TRPM3: variants seen among roughly 807,000 people sequenced by gnomAD.
TRPM3 encodes long transient receptor potential channel 3.
TRPM3 carries 77 observed loss-of-function variants against 181.2 expected under a neutral mutation model. The ratio of observed to expected loss-of-function variants is 0.42; its 90% confidence interval spans 0.35 to 0.51. The LOEUF (loss-of-function observed/expected upper bound fraction) is 0.51, where lower values mean the gene tolerates loss of function less well. Ranked by LOEUF, TRPM3 falls within the 20% of genes least tolerant of loss-of-function variation. The pLI is 0.01. For missense variants in TRPM3, 1,759 were observed against 2,196.7 expected (o/e 0.80, Z 3.98); for synonymous variants, 745 against 796.4 (o/e 0.94, Z 1.09).
Position 70,552,890 on chromosome 9 carries a change from T to A in TRPM3, c.3528A>T (p.Arg1176=). ...MTMIFQHLCC[R]WRKHESDPDE... is the part of the protein sequence containing the mutation. ...CCGGGTCGCTCTCGTGTTTCCTCCA[T>A]CGGCAGCACAGGTGCTGGAATATCA... The change falls in exon 24 of 26, where the codon CGA becomes CGT. Residue 1176 remains arginine, a synonymous_variant. Coordinates refer to ENST00000677713, the MANE Select transcript of TRPM3 (RefSeq NM_001366145.2). 1.9e-6 allele frequency: 3 copies of A among 1,613,874 alleles called. No individual in the cohort carries two copies. Among genetic ancestry groups the A allele is most frequent in the Non-Finnish European group, 2.5e-6 (3 of 1,179,922 alleles).
At chr9:70,831,962 AATATATATATATATATATAT>A (rs71367232) in intron 5 of TRPM3, among the ~76,000 whole-genome samples, 5,533 of 64,254 alleles carry the variant, frequency 0.086, 317 homozygotes, top group Non-Finnish European at 0.1. Context: ...GTACCCCATA[AATATATATATATATATATAT>A]ATATATATAT....
intron 1 of TRPM3, among the ~76,000 whole-genome samples, chr9:71,444,236 A>G (rs1448384880): frequency 6.6e-6 from 1 of 152,018 alleles, no homozygotes; most frequent in Non-Finnish European, 1.5e-5. Flanking sequence ...GTCATGGACT[A>G]TATCATTCCC....
intron 1 of TRPM3, among the ~76,000 whole-genome samples, chr9:71,312,791 T>C (rs2088096394): frequency 1.3e-5 from 2 of 152,050 alleles, no homozygotes; most frequent in Admixed American, 6.6e-5. Flanking sequence ...GAGTAACCAA[T>C]CTGAAAAAGG....
At chr9:71,316,265 T>C (rs1288165257) in intron 1 of TRPM3, among the ~76,000 whole-genome samples, 2 of 152,188 alleles carry the variant, frequency 1.3e-5, no homozygotes, top group Non-Finnish European at 2.9e-5. Context: ...TTGAAGACCA[T>C]ACCAACAGAC....
upstream of TRPM3, among the ~76,000 whole-genome samples, chr9:71,125,372 G>T (rs574608194): frequency 2.6e-5 from 4 of 151,974 alleles, no homozygotes; most frequent in South Asian, 2.1e-4. Context: ...ACAGGCCCCC[G>T]TATGTGTTGT....
intron 1 of TRPM3, among the ~76,000 whole-genome samples, chr9:70,968,230 GCTT>G (rs1422436563): frequency 3.3e-5 from 5 of 152,030 alleles, no homozygotes; most frequent in African/African-American, 2.4e-5. Context: ...TAAATTAAGG[GCTT>G]CTTTACAGAA....
At chr9:70,770,715 T>TA (rs1163983352) in intron 7 of TRPM3, among the ~76,000 whole-genome samples, 1 of 152,188 alleles carries the variant, frequency 6.6e-6, no homozygotes, top group Non-Finnish European at 1.5e-5. Context: ...TATGTCTTTT[T>TA]AGGTTGATGT....
intron 1 of TRPM3, among the ~76,000 whole-genome samples, chr9:71,137,504 T>A (rs1330662799): frequency 6.6e-6 from 1 of 152,204 alleles, no homozygotes; most frequent in East Asian, 1.9e-4. Flanking sequence ...GGGTTATAGA[T>A]CATCTATTTG....
intron 3 of TRPM3, among the ~76,000 whole-genome samples, chr9:70,862,653 A>G (rs1424270877): frequency 6.6e-6 from 1 of 152,192 alleles, no homozygotes; most frequent in African/African-American, 2.4e-5. Flanking sequence ...ATTAATAATA[A>G]GAGTCACTGT....
At chr9:71,065,996 G>A (rs1218173882) in intron 1 of TRPM3, among the ~76,000 whole-genome samples, 1 of 152,150 alleles carries the variant, frequency 6.6e-6, no homozygotes, top group Non-Finnish European at 1.5e-5. Context: ...GGACTTAAGT[G>A]TAGGGGAAAA....
At chr9:71,107,443 A>C (rs899041921) in intron 1 of TRPM3, among the ~76,000 whole-genome samples, 5 of 152,152 alleles carry the variant, frequency 3.3e-5, no homozygotes, top group Admixed American at 6.5e-5. Context: ...CTGCTCACCA[A>C]TGTGAAAACA....
At chr9:71,094,972 C>T (rs1311277949) in intron 1 of TRPM3, among the ~76,000 whole-genome samples, 7 of 152,110 alleles carry the variant, frequency 4.6e-5, no homozygotes, top group African/African-American at 1.7e-4. Flanking sequence ...TGAAAGCACG[C>T]ATAGCTCTAG....
chr9:70,912,235 T>C (rs953919398), intron 1 of TRPM3, among the ~76,000 whole-genome samples: 7 of 152,228 alleles, frequency 4.6e-5, no homozygotes, highest in Non-Finnish European at 7.3e-5. Context: ...TATTGATTTT[T>C]AGTGTTCCAG....
Position 70,982,270 on chromosome 9 carries a change from G to A in TRPM3, c.178-117759C>T, listed in dbSNP as rs555303072. Among the ~76,000 whole-genome samples the A allele has an allele frequency of 1.2e-4, 19 of 152,188 alleles. No individual in the cohort carries two copies. In the Middle Eastern group the frequency reaches 0.017, roughly 136 times the overall value. On this transcript the variant is annotated intron_variant, in intron 1 of 25. Transcript: ENST00000677713. ...TCAAAGGGGCTTTCAGTTCTGCCTG[G>A]TAATCTTTCCACCACTTCCCTGGTA... is the stretch of plus-strand genomic sequence containing the variant.
chr9:71,289,158 TGAGAGA>T (rs369616489), intron 1 of TRPM3, among the ~76,000 whole-genome samples: 394 of 145,824 alleles, frequency 2.7e-3, no homozygotes, highest in African/African-American at 8.8e-3. Flanking sequence ...AACAAAACAG[TGAGAGA>T]GAGAGAGAGA....
At chr9:70,991,167 G>A (rs1000180082) in intron 1 of TRPM3, among the ~76,000 whole-genome samples, 1 of 152,096 alleles carries the variant, frequency 6.6e-6, no homozygotes, top group Non-Finnish European at 1.5e-5. Flanking sequence ...GCCTAGAGAA[G>A]GGGCTCTTAA....
rs1378215806 is a variant in TRPM3, at chr9:70,846,255, C to T, written c.676+123G>A. The T allele has an allele frequency of 9.1e-6, 8 of 877,740 alleles. No individual in the cohort carries two copies. In the East Asian group the frequency reaches 1.2e-4, roughly 13 times the overall value. 54.4% of individuals were successfully genotyped at this position (877,740 alleles called of 1,614,324 possible). On this transcript the variant is annotated intron_variant, in intron 4 of 25. Coordinates refer to ENST00000677713, the MANE Select transcript of TRPM3 (RefSeq NM_001366145.2). ...TAAAGGAGGGAGTGATAACCAGCAACTATGGACCCATGGGTAGGGATGAAG... is the reference window on the plus strand; with the variant it reads ...TAAAGGAGGGAGTGATAACCAGCAATTATGGACCCATGGGTAGGGATGAAG...
At chr9:70,777,052 T>C (rs2081498901) in intron 7 of TRPM3, among the ~76,000 whole-genome samples, 1 of 152,176 alleles carries the variant, frequency 6.6e-6, no homozygotes, top group South Asian at 2.1e-4. Context: ...GTTGTTGTTG[T>C]TAAACAAGTA....
intron 8 of TRPM3, among the ~76,000 whole-genome samples, chr9:70,758,602 A>T (rs1005485990): frequency 2.4e-4 from 37 of 152,222 alleles, no homozygotes; most frequent in African/African-American, 8.7e-4. Context: ...TACAGTAACC[A>T]TAACAGCATG....
Sources: gnomAD v4.1 joint callset for allele counts (sites outside exome capture counted in the v4.1 genomes callset) on GRCh38, gnomAD v4.1.1 for gene constraint, MANE v1.5 for transcripts, NCBI Gene and HGNC (gene_info 2026-07-23, HGNC 2026-07-21) for gene names.